The following MAP4 variants were observed in gnomAD, a reference collection of about 807,000 sequenced individuals.
MAP4 encodes the protein microtubule associated protein 4, also known as microtubule-associated protein 4.
In MAP4, 76 loss-of-function variants were observed where a neutral mutation model predicts 170.2. The observed-to-expected ratio is 0.45, with a 90% CI of 0.37 to 0.54. The LOEUF is 0.54. Among genes scored for constraint, MAP4 ranks in the 20% least tolerant of loss-of-function variants. MAP4 has a pLI of 0.00. For synonymous variants in MAP4, 909 were observed against 994.5 expected (o/e 0.91, Z 1.62); for missense variants, 2,506 against 2,748.0 (o/e 0.91, Z 1.97).
chr3:48,068,527 C>G (rs1006912128), intron 1 of MAP4, among the ~76,000 whole-genome samples: 14 of 152,132 alleles, frequency 9.2e-5, no homozygotes, highest in Non-Finnish European at 2.9e-5. Context: ...TGGTGGCTCA[C>G]GCCTGTAATC....
At chr3:48,044,593 T>G (rs948306370) in intron 1 of MAP4, among the ~76,000 whole-genome samples, 2 of 151,928 alleles carry the variant, frequency 1.3e-5, no homozygotes, top group South Asian at 2.1e-4. Context: ...CGAAACCTCA[T>G]GTCTACTAAA....
At chr3:48,008,378 T>G (rs915540672) in intron 1 of MAP4, among the ~76,000 whole-genome samples, 1 of 152,202 alleles carries the variant, frequency 6.6e-6, no homozygotes, top group African/African-American at 2.4e-5. Flanking sequence ...GCTGCAGCAC[T>G]ACAACCCCTT....
chr3:48,067,986 C>T (rs2100139118), intron 1 of MAP4, among the ~76,000 whole-genome samples: 1 of 151,836 alleles, frequency 6.6e-6, no homozygotes, highest in Non-Finnish European at 1.5e-5. Context: ...ATTTAAGGAC[C>T]AGGTGTGATG....
At chr3:47,964,978 A>G (rs1350510501) in intron 3 of MAP4, among the ~76,000 whole-genome samples, 2 of 152,094 alleles carry the variant, frequency 1.3e-5, no homozygotes, top group Admixed American at 6.6e-5. Context: ...CAAATCAGAA[A>G]CTTTGTACCC....
intron 2 of MAP4, among the ~76,000 whole-genome samples, chr3:47,980,952 C>T (rs2100085085): frequency 6.6e-6 from 1 of 152,176 alleles, no homozygotes; most frequent in Non-Finnish European, 1.5e-5. Flanking sequence ...TGATAACCAG[C>T]ATTGACAAGG....
At chr3:48,083,380 T>G (rs909330186) in intron 1 of MAP4, among the ~76,000 whole-genome samples, 2 of 152,232 alleles carry the variant, frequency 1.3e-5, no homozygotes, top group African/African-American at 4.8e-5. Context: ...TAAAAAAATT[T>G]ATTTTTTGAG....
chr3:48,062,641 G>T (rs1338510531), intron 1 of MAP4, among the ~76,000 whole-genome samples: 1 of 151,364 alleles, frequency 6.6e-6, no homozygotes, highest in East Asian at 1.9e-4. Flanking sequence ...TGAACAATGT[G>T]GCTGGGCGTG....
intron 2 of MAP4, among the ~76,000 whole-genome samples, chr3:47,997,869 A>C (rs1335175796): frequency 6.6e-6 from 1 of 152,200 alleles, no homozygotes; most frequent in Non-Finnish European, 1.5e-5. Context: ...AAAGATACAA[A>C]CTACCAAAGC....
At position 47,952,151 on chromosome 3, in the gene MAP4, C is replaced by T. The variant is rs531485207; in HGVS notation, c.293-23801G>A. Among the ~76,000 whole-genome samples, 45 of 150,306 alleles carry T rather than the reference C, an allele frequency of 3.0e-4. No individual in the cohort carries two copies. The South Asian group carries it at 7.2e-3, about 24-fold the overall frequency. ...CTGAGAAGTGAGGAGCCCCTCCGCC[C>T]GGCAGCCACCCCGTCTGGGAAGTGA... On this transcript the variant is annotated intron_variant, in intron 3 of 20. Transcript: ENST00000683076.
chr3:47,863,937 T>TGTGGGGGGGG (rs374208589), intron 17 of MAP4, among the ~76,000 whole-genome samples: 14 of 138,458 alleles, frequency 1.0e-4, no homozygotes, highest in African/African-American at 2.2e-4. Flanking sequence ...TGTGTGTGTG[T>TGTGGGGGGGG]GGGGAGTGGT....
chr3:47,956,729 G>A (rs901385755), intron 3 of MAP4, among the ~76,000 whole-genome samples: 2 of 152,142 alleles, frequency 1.3e-5, no homozygotes, highest in African/African-American at 4.8e-5. Flanking sequence ...TAAGCAAGTT[G>A]ACAAAATGAC....
intron 2 of MAP4, among the ~76,000 whole-genome samples, chr3:47,980,913 C>A (rs1322078564): frequency 6.6e-6 from 1 of 152,138 alleles, no homozygotes; most frequent in Non-Finnish European, 1.5e-5. Flanking sequence ...ATAAGAGCAG[C>A]TATTACAGTG....
intron 10 of MAP4, among the ~76,000 whole-genome samples, chr3:47,893,691 A>G (rs1227870106): frequency 3.9e-5 from 6 of 152,124 alleles, no homozygotes; most frequent in Admixed American, 3.9e-4. Context: ...ATAACATAGC[A>G]TACTGGAAAT....
At chr3:47,927,459 TTTTG>T (rs555223887) in intron 4 of MAP4, among the ~76,000 whole-genome samples, 160 of 152,044 alleles carry the variant, frequency 1.1e-3, no homozygotes, top group South Asian at 2.9e-3. Flanking sequence ...ACAGATAGGC[TTTTG>T]TTTGTTTGTT....
chr3:48,075,511 A>G (rs1169900103), intron 1 of MAP4, among the ~76,000 whole-genome samples: 1 of 152,014 alleles, frequency 6.6e-6, no homozygotes, highest in Non-Finnish European at 1.5e-5. Context: ...TGGGCAACGG[A>G]GCAAGACTGT....
chr3:47,916,889 T>G lies in MAP4; in HGVS notation c.938A>C (p.Glu313Ala), dbSNP rs200227288. Residue 313 changes from glutamate to alanine, a missense_variant, in exon 7 of 21, where the codon GAA (glutamate) becomes GCA (alanine). By Grantham distance (107) the Glu-to-Ala change is moderately radical (BLOSUM62 -1). This residue lies in a region of MAP4 where 2,008 missense variants were observed against 2,206.0 expected (regional missense o/e 0.91). Coordinates refer to ENST00000683076, the MANE Select transcript of MAP4 (RefSeq NM_001385682.1). ...TCTGACATCCTTAACCAGGGCCACT[T>G]CTTTTTCTGTGGGTAGTTCCATGTC... The part of the protein sequence containing the change: ...VKDMELPTEK[E>A]VALVKDVRWP... 142 of 1,614,246 alleles carry G rather than the reference T, an allele frequency of 8.8e-5. No homozygotes were observed. The South Asian group carries it at 1.5e-3, about 17-fold the overall frequency.
chr3:47,941,220 CAAAAAAAAAAAAA>C lies in MAP4; in HGVS notation c.293-12883_293-12871del, dbSNP rs745693695. 2.0e-4 allele frequency among the ~76,000 whole-genome samples: 9 copies of C among 45,850 alleles called. No homozygotes were observed. In the South Asian group the frequency reaches 2.9e-3, roughly 15 times the overall value. 30.1% of individuals were successfully genotyped at this position (45,850 alleles called of 152,430 possible). Reference sequence around the variant, plus strand: ...CAACATAATGAGACCCTATCTCTACCAAAAAAAAAAAAAAAAAAAAAAAAAAAGGAAGAAGAAG... The same window carrying C: ...CAACATAATGAGACCCTATCTCTACCAAAAAAAAAAAAAAGGAAGAAGAAG... On this transcript the variant is annotated intron_variant, in intron 3 of 20. Coordinates refer to ENST00000683076, the MANE Select transcript of MAP4 (RefSeq NM_001385682.1).
rs1351504826 is a variant in MAP4, at chr3:47,989,889, C to T, written c.223+8749G>A. Among the ~76,000 whole-genome samples, 4 of 152,024 alleles carry T rather than the reference C, an allele frequency of 2.6e-5. No homozygotes were observed. In the East Asian group the frequency reaches 5.8e-4, roughly 22 times the overall value. On this transcript the variant is annotated intron_variant, in intron 2 of 20. Coordinates refer to ENST00000683076, the MANE Select transcript of MAP4 (RefSeq NM_001385682.1). ...TTTCTCAGTGAAATACACACAGCAT[C>T]GAAAATAGCACACTTTTTTTTTTTA... is the stretch of plus-strand genomic sequence containing the variant.
At chr3:48,037,073 TTCAG>T (rs2100119113) in intron 1 of MAP4, among the ~76,000 whole-genome samples, 3 of 152,152 alleles carry the variant, frequency 2.0e-5, no homozygotes, top group South Asian at 2.1e-4. Context: ...TCAGAATACA[TTCAG>T]TAAGAATACT....
Sources: gnomAD v4.1 joint callset for allele counts (sites outside exome capture counted in the v4.1 genomes callset) on GRCh38, gnomAD v4.1.1 for gene constraint, gnomAD v4.1.1 regional missense constraint, MANE v1.5 for transcripts, NCBI Gene and HGNC (gene_info 2026-07-23, HGNC 2026-07-21) for gene names.